RANBP2: variants seen among roughly 807,000 people sequenced by gnomAD.
RANBP2 encodes E3 SUMO-protein ligase RanBP2.
RANBP2 carries 57 observed loss-of-function variants against 303.6 expected under a neutral mutation model. The observed-to-expected ratio is 0.19, with a 90% CI of 0.15 to 0.23. RANBP2 has a LOEUF of 0.23. RANBP2 is among the 10% of genes least tolerant of loss of function. The probability of loss-of-function intolerance (pLI) is 1.00; values close to 1 mark genes in which losing one functional copy is unlikely to be tolerated. For synonymous variants in RANBP2, 1,167 were observed against 1,301.5 expected (o/e 0.90, Z 2.23); for missense variants, 3,138 against 3,780.8 (o/e 0.83, Z 4.46).
the RANBP2 span, among the ~76,000 whole-genome samples, chr2:109,774,505 T>TATATATATTATATATAAA: frequency 6.2e-5 from 2 of 32,092 alleles, 1 homozygote; most frequent in Non-Finnish European, 9.1e-5. Flanking sequence ...CAAACATATA[T>TATATATATTATATATAAA]ATATATATAA....
the RANBP2 span, among the ~76,000 whole-genome samples, chr2:108,929,792 A>G: frequency 3.9e-5 from 6 of 152,212 alleles, no homozygotes; most frequent in East Asian, 3.9e-4. Flanking sequence ...AGCACTCAGG[A>G]AAAAATGTAC....
At chr2:108,789,956 T>A (rs149456969), downstream of RANBP2, among the ~76,000 whole-genome samples, 1 of 152,368 alleles carries the variant, frequency 6.6e-6, no homozygotes, top group East Asian at 1.9e-4. Context: ...TATCCATATA[T>A]AACATGAAAT....
At chr2:109,659,774 C>G in the RANBP2 span, among the ~76,000 whole-genome samples, 1 of 152,192 alleles carries the variant, frequency 6.6e-6, no homozygotes, top group South Asian at 2.1e-4. Flanking sequence ...GTCTCTAGGC[C>G]CCCAGCCTAC....
chr2:109,195,153 A>G, the RANBP2 span, among the ~76,000 whole-genome samples: 1 of 152,332 alleles, frequency 6.6e-6, no homozygotes, highest in Admixed American at 6.5e-5. Flanking sequence ...GAAAAAAAGG[A>G]CAATTTGGTT....
At chr2:109,667,059 A>T in the RANBP2 span, 4 of 614,286 alleles carry the variant, frequency 6.5e-6, no homozygotes, top group South Asian at 7.0e-5. Flanking sequence ...TCCAGTGAGA[A>T]GGTTTTGTGG....
the RANBP2 span, among the ~76,000 whole-genome samples, chr2:108,959,452 T>C: frequency 6.6e-6 from 1 of 152,228 alleles, no homozygotes; most frequent in Non-Finnish European, 1.5e-5. Context: ...GTTCAGGTCC[T>C]CCTGGGTCTT....
At chr2:109,345,287 G>T in the RANBP2 span, among the ~76,000 whole-genome samples, 1 of 152,066 alleles carries the variant, frequency 6.6e-6, no homozygotes, top group African/African-American at 2.4e-5. Context: ...GGCTGATGGT[G>T]GGGAGGCCAG....
chr2:109,625,615 G>A, the RANBP2 span, among the ~76,000 whole-genome samples: 1 of 151,970 alleles, frequency 6.6e-6, no homozygotes, highest in Non-Finnish European at 1.5e-5. Context: ...GCAGTGAGCC[G>A]AGATCACGCC....
chr2:109,560,619 C>T, the RANBP2 span, among the ~76,000 whole-genome samples: 10 of 152,158 alleles, frequency 6.6e-5, no homozygotes, highest in Non-Finnish European at 1.3e-4. Flanking sequence ...CCCCAAAGTG[C>T]TTACTTGTAA....
At chr2:109,610,203 C>T in the RANBP2 span, among the ~76,000 whole-genome samples, 1 of 152,014 alleles carries the variant, frequency 6.6e-6, no homozygotes, top group African/African-American at 2.4e-5. Context: ...ATCCTCCTGC[C>T]TCAGCCTCCC....
At chr2:108,950,200 C>T in the RANBP2 span, among the ~76,000 whole-genome samples, 1 of 150,772 alleles carries the variant, frequency 6.6e-6, no homozygotes, top group South Asian at 2.1e-4. Flanking sequence ...TCCTTCCCTC[C>T]CTACCTCCCT....
chr2:109,699,871 C>T, the RANBP2 span, among the ~76,000 whole-genome samples: 1 of 152,196 alleles, frequency 6.6e-6, no homozygotes, highest in South Asian at 2.1e-4. Flanking sequence ...GCAGCCCAGA[C>T]TTCGCCTCCA....
the RANBP2 span, among the ~76,000 whole-genome samples, chr2:109,095,240 C>T: frequency 6.6e-6 from 1 of 152,196 alleles, no homozygotes; most frequent in Non-Finnish European, 1.5e-5. Context: ...ACCCCTAGTA[C>T]ATAATTAAAA....
At chr2:109,469,561 G>C in the RANBP2 span, among the ~76,000 whole-genome samples, 1 of 152,064 alleles carries the variant, frequency 6.6e-6, no homozygotes, top group Non-Finnish European at 1.5e-5. Context: ...AACAGTTAAT[G>C]TGTCCTCTGT....
the RANBP2 span, among the ~76,000 whole-genome samples, chr2:109,330,571 T>G: frequency 2.0e-5 from 3 of 152,126 alleles, no homozygotes; most frequent in Admixed American, 2.0e-4. Context: ...AGATAGTCAC[T>G]GTTTGCATGG....
the RANBP2 span, among the ~76,000 whole-genome samples, chr2:108,806,702 G>A: frequency 6.6e-6 from 1 of 152,188 alleles, no homozygotes; most frequent in Non-Finnish European, 1.5e-5. Context: ...CCAGCTCCTG[G>A]CTAGATGAAT....
the RANBP2 span, chr2:108,794,603 ACT>A: frequency 6.2e-7 from 1 of 1,613,838 alleles, no homozygotes; most frequent in African/African-American, 1.3e-5. Flanking sequence ...GATGCAGGTG[ACT>A]CTCCTTTGAA....
At chr2:108,876,772 C>T in the RANBP2 span, among the ~76,000 whole-genome samples, 1 of 151,526 alleles carries the variant, frequency 6.6e-6, no homozygotes, top group African/African-American at 2.4e-5. Context: ...TTATGCTGTT[C>T]ACAGGTTTAA....
the RANBP2 span, among the ~76,000 whole-genome samples, chr2:109,114,149 T>C: frequency 2.0e-5 from 3 of 152,212 alleles, no homozygotes; most frequent in East Asian, 3.8e-4. Flanking sequence ...GCTGGCCTCA[T>C]AAAATGAGTT....
Sources: gnomAD v4.1 joint callset for allele counts (sites outside exome capture counted in the v4.1 genomes callset) on GRCh38, gnomAD v4.1.1 for gene constraint, MANE v1.5 for transcripts, NCBI Gene and HGNC (gene_info 2026-07-23, HGNC 2026-07-21) for gene names.